The following DMD variants were observed in gnomAD, a reference collection of about 807,000 sequenced individuals.
DMD encodes the protein mutant dystrophin.
In DMD, 63 loss-of-function variants were observed where a neutral mutation model predicts 330.1. The observed-to-expected ratio is 0.19, with a 90% CI of 0.16 to 0.24. DMD has a LOEUF of 0.24. DMD is among the 10% of genes least tolerant of loss of function. The pLI is 1.00. For missense variants in DMD, 3,344 were observed against 2,684.1 expected, an observed-to-expected ratio of 1.25 and a Z score of -5.43; for synonymous variants, 1,223 against 959.8, an observed-to-expected ratio of 1.27 and a Z score of -5.07.
At chrX:31,842,832 G>A (rs767720169) in intron 48 of DMD, among the ~76,000 whole-genome samples, 4 of 111,262 alleles carry the variant, frequency 3.6e-5, no homozygotes, top group African/African-American at 9.8e-5. Flanking sequence ...GAGATAGTGC[G>A]CACCGTATCT....
intron 30 of DMD, among the ~76,000 whole-genome samples, chrX:32,404,865 C>T (rs1160810581): frequency 3.6e-5 from 4 of 111,326 alleles, no homozygotes; most frequent in African/African-American, 1.3e-4. Context: ...CAGAGTTCAG[C>T]CTCAAACATC....
chrX:32,556,600 A>C (rs2050332799), intron 16 of DMD, among the ~76,000 whole-genome samples: 1 of 112,038 alleles, frequency 8.9e-6, no homozygotes, highest in Non-Finnish European at 1.9e-5. Context: ...AATGTGGTAC[A>C]TTTACACCAA....
chrX:32,402,069 G>A (rs926519309), intron 30 of DMD, among the ~76,000 whole-genome samples: 1 of 111,601 alleles, frequency 9.0e-6, no homozygotes, highest in Non-Finnish European at 1.9e-5. Flanking sequence ...AAATGCTTTA[G>A]CATTAAAATT....
intron 30 of DMD, among the ~76,000 whole-genome samples, chrX:32,393,341 G>A (rs989114598): frequency 9.0e-6 from 1 of 111,152 alleles, no homozygotes; most frequent in Non-Finnish European, 1.9e-5. Flanking sequence ...AGAGCATAAG[G>A]AGTTTGGCAA....
intron 56 of DMD, among the ~76,000 whole-genome samples, chrX:31,506,129 T>C (rs2070921711): frequency 8.9e-6 from 1 of 112,308 alleles, no homozygotes; most frequent in Admixed American, 9.4e-5. Context: ...TGTAGGTACA[T>C]CATGTAAATA....
chrX:31,632,833 G>A (rs931349042), intron 54 of DMD, among the ~76,000 whole-genome samples: 49 of 111,881 alleles, frequency 4.4e-4, no homozygotes, highest in African/African-American at 1.5e-3. Flanking sequence ...TTGTACTTGT[G>A]AGGGGAAGCT....
intron 7 of DMD, among the ~76,000 whole-genome samples, chrX:32,741,158 A>C (rs758971620): frequency 5.4e-5 from 6 of 111,778 alleles, no homozygotes; most frequent in Non-Finnish European, 9.4e-5. Context: ...TAACGCAAGA[A>C]AAATCTGATG....
chrX:31,447,438 T>C (rs1479055517), intron 59 of DMD, among the ~76,000 whole-genome samples: 2 of 110,041 alleles, frequency 1.8e-5, no homozygotes, highest in African/African-American at 6.6e-5. Flanking sequence ...TGTCAGTATG[T>C]GTGGACCTTC....
At chrX:31,488,168 G>A (rs2068967505) in intron 57 of DMD, among the ~76,000 whole-genome samples, 3 of 111,635 alleles carry the variant, frequency 2.7e-5, no homozygotes, top group South Asian at 7.5e-4. Flanking sequence ...AACAATCACT[G>A]GGGAAGTTAC....
intron 74 of DMD, 63 bp downstream of exon 74, chrX:31,169,380 T>C (rs1442587467): frequency 1.1e-6 from 1 of 909,231 alleles, no homozygotes; most frequent in African/African-American, 2.0e-5. Flanking sequence ...TTCCTGGCAC[T>C]TTTCTATGTG....
At chrX:31,766,138 T>A (rs1177030613) in intron 51 of DMD, among the ~76,000 whole-genome samples, 2 of 111,685 alleles carry the variant, frequency 1.8e-5, no homozygotes, top group Non-Finnish European at 3.8e-5. Flanking sequence ...TTACATTGCT[T>A]TCCTGTAAGA....
In DMD at chrX:33,235,349, T is replaced by C. The variant is rs1037093782; in HGVS notation, c.7+103910A>G. On this transcript the variant is annotated intron_variant, in intron 1 of 17. Transcript: ENST00000288447. ...AAATTCCACCCCATAATAGGAAACA[T>C]TGATCATTTACTATATGCCAAGTAT... 5.4e-5 allele frequency among the ~76,000 whole-genome samples: 6 copies of C among 112,036 alleles called. 1 individual carries two copies. The highest frequency in any genetic ancestry group is 7.4e-4 in the South Asian group (2 of 2,700).
At chrX:32,567,147 C>A (rs766169002) in intron 15 of DMD, among the ~76,000 whole-genome samples, 2 of 111,574 alleles carry the variant, frequency 1.8e-5, no homozygotes, top group Non-Finnish European at 3.8e-5. Context: ...GCTCTAGTGG[C>A]TCCTTCAATT....
chrX:31,829,768 A>T (rs1253688451), intron 49 of DMD, among the ~76,000 whole-genome samples: 1 of 112,280 alleles, frequency 8.9e-6, no homozygotes, highest in Non-Finnish European at 1.9e-5. Flanking sequence ...CATGCAATTA[A>T]TATCTACTGA....
At chrX:31,933,396 AG>A (rs1270449060) in intron 45 of DMD, among the ~76,000 whole-genome samples, 1 of 112,500 alleles carries the variant, frequency 8.9e-6, no homozygotes, top group Non-Finnish European at 1.9e-5. Flanking sequence ...TACTCGTGGA[AG>A]TTTTAATTAT....
At chrX:31,624,161 A>C (rs2078713040) in intron 55 of DMD, among the ~76,000 whole-genome samples, 1 of 111,768 alleles carries the variant, frequency 8.9e-6, no homozygotes, top group Non-Finnish European at 1.9e-5. Flanking sequence ...AAAATCCTGA[A>C]ACTTTCACCC....
intron 1 of DMD, among the ~76,000 whole-genome samples, chrX:33,064,901 TAATAAAATAA>T (rs948856007): frequency 9.0e-6 from 1 of 110,558 alleles, no homozygotes; most frequent in Non-Finnish European, 1.9e-5. Context: ...AAAAAAATAA[TAATAAAATAA>T]AATAAAATAA....
intron 2 of DMD, among the ~76,000 whole-genome samples, chrX:32,883,864 C>T (rs2084261070): frequency 9.9e-6 from 1 of 101,289 alleles, no homozygotes; most frequent in African/African-American, 3.7e-5. Context: ...AAATGACTTC[C>T]ATTTTATCCA....
intron 51 of DMD, 24 bp from the exon 52 acceptor site, chrX:31,729,772 T>C: frequency 8.8e-7 from 1 of 1,132,645 alleles, no homozygotes; most frequent in Non-Finnish European, 1.2e-6. Context: ...TATCCCTTAG[T>C]ATCAGGGTTC....
Sources: allele counts gnomAD v4.1 joint callset (sites outside exome capture counted in the v4.1 genomes callset), GRCh38; gene constraint gnomAD v4.1.1; transcripts MANE v1.5; gene names NCBI Gene and HGNC (gene_info 2026-07-23, HGNC 2026-07-21).